The following PKP1 variants were observed in gnomAD, a reference collection of about 807,000 sequenced individuals.
PKP1 encodes plakophilin 1.
A neutral mutation model predicts 76.4 loss-of-function variants in PKP1; 27 were observed. The observed-to-expected ratio is 0.35, with a 90% CI of 0.26 to 0.49. The LOEUF (loss-of-function observed/expected upper bound fraction) is 0.49, where lower values mean the gene tolerates loss of function less well. PKP1 is among the 20% of genes least tolerant of loss of function. The probability of loss-of-function intolerance (pLI) is 0.99; values close to 1 mark genes in which losing one functional copy is unlikely to be tolerated. For synonymous variants in PKP1, 404 were observed against 384.2 expected (o/e 1.05, Z -0.60); for missense variants, 964 against 955.2 (o/e 1.01, Z -0.12).
In PKP1 at chr1:201,330,843, A is replaced by T. The variant is rs978316257; in HGVS notation, c.*802A>T. On this transcript the variant is annotated 3_prime_UTR_variant, in exon 14 of 14. Transcript: ENST00000367324. ...GGCCTGCTCAGAGGAGTAGGAGCTG[A>T]AAGATGGTGCCTTCCACCCTCTTGG... The T allele has an allele frequency of 6.6e-6, 1 of 152,312 alleles. No homozygotes were observed. Among genetic ancestry groups the T allele is most frequent in the Non-Finnish European group, 1.5e-5 (1 of 68,090 alleles). The allele number at this position is 152,312 out of a possible 1,614,324, so 9.4% of individuals were successfully genotyped here.
At chr1:201,311,060 C>T (rs575527347) in intron 2 of PKP1, among the ~76,000 whole-genome samples, 7 of 152,332 alleles carry the variant, frequency 4.6e-5, no homozygotes, top group Admixed American at 1.3e-4. Flanking sequence ...TCTGAGATGA[C>T]GTCCAGGCGT....
chr1:201,288,034 TAC>T (rs1053590209), intron 1 of PKP1, among the ~76,000 whole-genome samples: 2 of 152,090 alleles, frequency 1.3e-5, no homozygotes, highest in Non-Finnish European at 1.5e-5. Context: ...TGCACACACG[TAC>T]ACACACATAA....
intron 1 of PKP1, among the ~76,000 whole-genome samples, chr1:201,290,393 C>T (rs1168537105): frequency 6.6e-6 from 1 of 151,830 alleles, no homozygotes; most frequent in Admixed American, 6.6e-5. Flanking sequence ...GCTCATGCTG[C>T]ATGCACCCAT....
At chr1:201,295,361 C>T (rs528210160) in intron 2 of PKP1, among the ~76,000 whole-genome samples, 101 of 152,260 alleles carry the variant, frequency 6.6e-4, no homozygotes, top group Admixed American at 1.8e-3. Flanking sequence ...TTACTTCCCT[C>T]GCTTTTTTCC....
chr1:201,314,684 T>C, intron 3 of PKP1, among the ~76,000 whole-genome samples: 1 of 152,250 alleles, frequency 6.6e-6, no homozygotes, highest in Non-Finnish European at 1.5e-5. Flanking sequence ...GGGGGCTCCC[T>C]GAACCTTTGA....
At chr1:201,312,885 G>A (rs979702990) in intron 2 of PKP1, among the ~76,000 whole-genome samples, 1 of 152,154 alleles carries the variant, frequency 6.6e-6, no homozygotes, top group Non-Finnish European at 1.5e-5. Flanking sequence ...TACCTGCACT[G>A]CACTCTGATA....
chr1:201,283,985 C>T (rs1362052593), intron 1 of PKP1, 81 bp downstream of exon 1: 2 of 1,304,782 alleles, frequency 1.5e-6, no homozygotes, highest in Non-Finnish European at 2.2e-6. Context: ...GAGACGCACG[C>T]ATCCCCGGGG....
At chr1:201,326,847 G>T (rs546790101) in intron 12 of PKP1, among the ~76,000 whole-genome samples, 5 of 152,374 alleles carry the variant, frequency 3.3e-5, no homozygotes, top group African/African-American at 1.2e-4. Context: ...AAGACCATCT[G>T]CTGGGGACAA....
At chr1:201,308,578 G>A (rs1231559035) in intron 2 of PKP1, among the ~76,000 whole-genome samples, 1 of 152,210 alleles carries the variant, frequency 6.6e-6, no homozygotes, top group African/African-American at 2.4e-5. Context: ...AGAGGCCTTA[G>A]ATAAATGTAG....
In PKP1 at chr1:201,289,416, G is replaced by A. The variant is rs537164543; in HGVS notation, c.203-4526G>A. ...AGTAGAATATGCTAGAAGAAGCATCGGCCTTAAGGGAGACAGAGTAAGCAA... is the reference window on the plus strand; with the variant it reads ...AGTAGAATATGCTAGAAGAAGCATCAGCCTTAAGGGAGACAGAGTAAGCAA... On this transcript the variant is annotated intron_variant, in intron 1 of 13. Transcript: ENST00000367324. Among the ~76,000 whole-genome samples, 155 of 152,270 alleles carry A rather than the reference G, an allele frequency of 1.0e-3. 2 individuals carry two copies. Among genetic ancestry groups the A allele is most frequent in the Non-Finnish European group, 1.9e-3 (126 of 68,020 alleles).
chr1:201,314,151 CAT>C (rs1558190855), intron 3 of PKP1, among the ~76,000 whole-genome samples: 1 of 152,132 alleles, frequency 6.6e-6, no homozygotes, highest in East Asian at 1.9e-4. Flanking sequence ...GACAAATAGA[CAT>C]AAAAACTGAG....
intron 2 of PKP1, among the ~76,000 whole-genome samples, chr1:201,295,533 A>G (rs1462435504): frequency 1.3e-5 from 2 of 152,254 alleles, no homozygotes; most frequent in African/African-American, 2.4e-5. Flanking sequence ...AAGGGATTAG[A>G]TGAAACCCAA....
Position 201,330,587 on chromosome 1 carries a change from G to A in PKP1, c.*546G>A, listed in dbSNP as rs2102191653. ...CCATCACTGCAGTCAGGCCCTCAGA[G>A]GAGTCCTGCAGGCTTCCTACCAGTG... is the stretch of plus-strand genomic sequence containing the variant. On this transcript the variant is annotated 3_prime_UTR_variant, in exon 14 of 14. Coordinates refer to ENST00000367324, the MANE Select transcript of PKP1 (RefSeq NM_001005337.3). The A allele has an allele frequency of 6.6e-6, 1 of 152,404 alleles. No homozygotes were observed. Among genetic ancestry groups the A allele is most frequent in the East Asian group, 1.9e-4 (1 of 5,188 alleles). 9.4% of individuals were successfully genotyped at this position (152,404 alleles called of 1,614,324 possible).
intron 6 of PKP1, chr1:201,319,796 G>A: frequency 6.2e-7 from 1 of 1,613,566 alleles, no homozygotes; most frequent in Non-Finnish European, 8.5e-7. Flanking sequence ...GCATCAACAG[G>A]GCTTCTTCCT....
At chr1:201,326,235 A>T (rs1657123912) in intron 12 of PKP1, among the ~76,000 whole-genome samples, 1 of 152,236 alleles carries the variant, frequency 6.6e-6, no homozygotes, top group Admixed American at 6.5e-5. Flanking sequence ...AAGAGCTTGG[A>T]CTTGTACCTT....
At chr1:201,296,239 T>C (rs1043153605) in intron 2 of PKP1, among the ~76,000 whole-genome samples, 12 of 152,272 alleles carry the variant, frequency 7.9e-5, no homozygotes, top group East Asian at 1.9e-4. Flanking sequence ...ATAATTGATA[T>C]TGGAGCCAGA....
chr1:201,308,313 G>A (rs1211825186), intron 2 of PKP1, among the ~76,000 whole-genome samples: 1 of 152,204 alleles, frequency 6.6e-6, no homozygotes, highest in East Asian at 1.9e-4. Flanking sequence ...AGTGCTGTCA[G>A]CATCCTGAAT....
At chr1:201,306,428 T>C (rs1216726753) in intron 2 of PKP1, among the ~76,000 whole-genome samples, 1 of 152,242 alleles carries the variant, frequency 6.6e-6, no homozygotes, top group Non-Finnish European at 1.5e-5. Context: ...CTAAGATGCC[T>C]TCTTTATCCC....
At chr1:201,321,474 T>C (rs1485175991) in intron 7 of PKP1, among the ~76,000 whole-genome samples, 1 of 152,032 alleles carries the variant, frequency 6.6e-6, no homozygotes, top group African/African-American at 2.4e-5. Flanking sequence ...ACCGCTGACA[T>C]TGACAGCTAA....
Sources: gnomAD v4.1 joint callset for allele counts (sites outside exome capture counted in the v4.1 genomes callset) on GRCh38, gnomAD v4.1.1 for gene constraint, MANE v1.5 for transcripts, NCBI Gene and HGNC (gene_info 2026-07-23, HGNC 2026-07-21) for gene names.